The following MAP3K2 variants were observed in gnomAD, a reference collection of about 807,000 sequenced individuals.
The protein encoded by MAP3K2 is MAP/ERK kinase kinase 2.
MAP3K2 carries 24 observed loss-of-function variants against 80.3 expected under a neutral mutation model. The ratio of observed to expected loss-of-function variants is 0.30; its 90% CI spans 0.22 to 0.42. The LOEUF is 0.42. Among genes scored for constraint, MAP3K2 ranks in the 10% least tolerant of loss-of-function variants. MAP3K2 has a pLI of 1.00. For synonymous variants in MAP3K2, 244 were observed against 253.7 expected, an observed-to-expected ratio of 0.96 and a Z score of 0.36; for missense variants, 608 against 750.1, an observed-to-expected ratio of 0.81 and a Z score of 2.21.
chr2:127,318,418 T>G, intron 12 of MAP3K2, 101 bp from the exon 13 acceptor site: 1 of 863,710 alleles, frequency 1.2e-6, no homozygotes, highest in Non-Finnish European at 1.6e-6. Context: ...CTTCATTGAA[T>G]GTACTTGGAT....
intron 12 of MAP3K2, among the ~76,000 whole-genome samples, chr2:127,319,745 G>A (rs1035322164): frequency 4.6e-5 from 7 of 151,190 alleles, no homozygotes; most frequent in South Asian, 2.1e-4. Context: ...AGGCTGATGC[G>A]GGAGAATCGC....
chr2:127,352,746 C>T (rs1009795255), intron 1 of MAP3K2, among the ~76,000 whole-genome samples: 1 of 151,918 alleles, frequency 6.6e-6, no homozygotes, highest in Non-Finnish European at 1.5e-5. Flanking sequence ...CCTCTGATGC[C>T]GAGCCGAAGC....
intron 1 of MAP3K2, among the ~76,000 whole-genome samples, chr2:127,384,283 T>C (rs1687306486): frequency 6.6e-6 from 1 of 151,680 alleles, no homozygotes; most frequent in Non-Finnish European, 1.5e-5. Flanking sequence ...CAGTATATTG[T>C]AAACATAACT....
intron 1 of MAP3K2, among the ~76,000 whole-genome samples, chr2:127,366,423 A>G (rs966230029): frequency 6.6e-6 from 1 of 151,820 alleles, no homozygotes; most frequent in Non-Finnish European, 1.5e-5. Flanking sequence ...AAACAAAAAG[A>G]ATACTCAGAG....
In MAP3K2 at chr2:127,303,885, C is replaced by G. The variant is rs1004162749; in HGVS notation, c.*3694G>C. ...GGTCATCCTGCTAAACTATTCACAT[C>G]TGATTTTATTTTCTAAGTGATTTCA... is the stretch of plus-strand genomic sequence containing the variant. On this transcript the variant is annotated 3_prime_UTR_variant, in exon 17 of 17. Coordinates refer to ENST00000682094, the MANE Select transcript of MAP3K2 (RefSeq NM_001371910.2). 1 of 152,144 alleles carries G rather than the reference C, an allele frequency of 6.6e-6. No homozygotes were observed. Among genetic ancestry groups the G allele is most frequent in the African/African-American group, 2.4e-5 (1 of 41,430 alleles). The allele number at this position is 152,144 out of a possible 1,614,324, so 9.4% of individuals were successfully genotyped here.
At chr2:127,380,232 G>A (rs1240961050) in intron 1 of MAP3K2, among the ~76,000 whole-genome samples, 1 of 152,104 alleles carries the variant, frequency 6.6e-6, no homozygotes, top group East Asian at 1.9e-4. Flanking sequence ...ACTACTGAAC[G>A]ACACATCAAT....
intron 1 of MAP3K2, among the ~76,000 whole-genome samples, chr2:127,356,651 G>C (rs1156335536): frequency 6.6e-6 from 1 of 152,150 alleles, no homozygotes; most frequent in Non-Finnish European, 1.5e-5. Flanking sequence ...TTTCAATTAT[G>C]GTGCTGGGAA....
chr2:127,318,719 AAAC>A (rs761370377), intron 12 of MAP3K2, among the ~76,000 whole-genome samples: 1 of 152,208 alleles, frequency 6.6e-6, no homozygotes, highest in Non-Finnish European at 1.5e-5. Flanking sequence ...ATTCCCATCC[AAAC>A]AACAAGAGAA....
intron 1 of MAP3K2, among the ~76,000 whole-genome samples, chr2:127,352,848 G>A (rs1408941541): frequency 7.9e-5 from 12 of 152,082 alleles, no homozygotes; most frequent in East Asian, 5.8e-4. Flanking sequence ...GCAGGTGCGC[G>A]CCGCCATGCC....
At chr2:127,331,781 T>C (rs1343454149) in intron 5 of MAP3K2, among the ~76,000 whole-genome samples, 1 of 152,202 alleles carries the variant, frequency 6.6e-6, no homozygotes, top group Non-Finnish European at 1.5e-5. Flanking sequence ...AATTTTTGTA[T>C]TTTTAGCAGA....
chr2:127,323,004 G>T (rs940728389), intron 11 of MAP3K2, among the ~76,000 whole-genome samples: 5 of 150,702 alleles, frequency 3.3e-5, no homozygotes, highest in African/African-American at 4.9e-5. Context: ...AGTGGCTCAT[G>T]CCTGTAATCC....
chr2:127,322,017 A>AG lies in MAP3K2; in HGVS notation c.1045+28_1045+29insC. ...AAATTCTGCAAAGATTCTGCTCTAC[A>AG]TTTCACTATACCAAGTTCTATTACT... On this transcript the variant is annotated intron_variant, in intron 12 of 16. Coordinates refer to ENST00000682094, the MANE Select transcript of MAP3K2 (RefSeq NM_001371910.2). The surrounding 1 kb of genome is among the most constrained non-coding windows in gnomAD (Gnocchi z 4.2). 1 of 1,583,928 alleles carries AG rather than the reference A, an allele frequency of 6.3e-7. No individual in the cohort carries two copies. The highest frequency in any genetic ancestry group is 1.3e-5 in the African/African-American group (1 of 74,492).
Position 127,303,653 on chromosome 2 carries a change from G to T in MAP3K2, c.*3926C>A, listed in dbSNP as rs551298481. The T allele has an allele frequency of 2.6e-5, 4 of 152,246 alleles. No individual in the cohort carries two copies. The highest frequency in any genetic ancestry group is 2.9e-5 in the Non-Finnish European group (2 of 67,996). 9.4% of individuals were successfully genotyped at this position (152,246 alleles called of 1,614,324 possible). A position where few individuals can be genotyped will look rare whatever the true frequency, so the allele number is the denominator to read the frequency against. ...TGTTTGCCCATGTTCCTCCTAGATT[G>T]TGACCTCCTTAAGGATGTTAATTTA... On this transcript the variant is annotated 3_prime_UTR_variant, in exon 17 of 17. Transcript: ENST00000682094.
intron 3 of MAP3K2, among the ~76,000 whole-genome samples, chr2:127,338,041 T>C (rs114975584): frequency 0.014 from 2,097 of 152,260 alleles, 47 homozygotes; most frequent in African/African-American, 0.047. Flanking sequence ...TATGAGACAT[T>C]TGCTGATCCT....
chr2:127,359,864 G>C (rs867778832), intron 1 of MAP3K2, among the ~76,000 whole-genome samples: 8 of 152,262 alleles, frequency 5.3e-5, no homozygotes, highest in Middle Eastern at 3.4e-3. Flanking sequence ...CTGAGCAGGT[G>C]CCAAAATCAT....
At chr2:127,312,784 G>C (rs934473516) in intron 15 of MAP3K2, among the ~76,000 whole-genome samples, 2 of 152,076 alleles carry the variant, frequency 1.3e-5, no homozygotes, top group Admixed American at 1.3e-4. Context: ...CCAACATGGA[G>C]AAACCCCGTC....
chr2:127,343,114 G>A lies in MAP3K2; in HGVS notation c.4+12C>T. ...TAATTATTGCTGAAAAATGCTTTTAGTTTGAACTCACCCATTATGGCAAAC... is the reference window on the plus strand; with the variant it reads ...TAATTATTGCTGAAAAATGCTTTTAATTTGAACTCACCCATTATGGCAAAC... On this transcript the variant is annotated intron_variant, in intron 2 of 16. Transcript: ENST00000682094. 6.4e-7 allele frequency: 1 copy of A among 1,551,234 alleles called. No homozygotes were observed. Among genetic ancestry groups the A allele is most frequent in the Non-Finnish European group, 8.7e-7 (1 of 1,145,514 alleles).
intron 1 of MAP3K2, among the ~76,000 whole-genome samples, chr2:127,347,665 A>G (rs1686622172): frequency 6.6e-6 from 1 of 152,160 alleles, no homozygotes; most frequent in African/African-American, 2.4e-5. Flanking sequence ...AATACTCCCA[A>G]AGTTATCTAC....
chr2:127,318,020 T>G, intron 13 of MAP3K2, 149 bp downstream of exon 13: 1 of 727,292 alleles, frequency 1.4e-6, no homozygotes, highest in East Asian at 3.0e-5. Flanking sequence ...TAATCTGTTT[T>G]ACAAATAATT....
Sources: gnomAD v4.1 joint callset for allele counts (sites outside exome capture counted in the v4.1 genomes callset) on GRCh38, gnomAD v4.1.1 for gene constraint, Gnocchi (gnomAD v3.1) non-coding constraint, MANE v1.5 for transcripts, NCBI Gene and HGNC (gene_info 2026-07-23, HGNC 2026-07-21) for gene names.